Variants in MED27 observed in about 807,000 individuals in gnomAD.
MED27 encodes mediator of RNA polymerase II transcription subunit 27.
Under a neutral mutation model 38.2 loss-of-function variants are expected in MED27, and 30 were observed. That is an observed-to-expected ratio of 0.79 (90% CI 0.59 to 1.07). The LOEUF (loss-of-function observed/expected upper bound fraction) is 1.07. Among genes scored for constraint, MED27 ranks in the 50% least tolerant of loss-of-function variants. The pLI, the probability that MED27 is intolerant of heterozygous loss-of-function variation, is 0.00. For missense variants in MED27, 289 were observed against 397.5 expected (o/e 0.73, Z 2.32); for synonymous variants, 122 against 153.5 (o/e 0.79, Z 1.52).
chr9:131,960,409 T>C (rs1427192868), intron 3 of MED27, among the ~76,000 whole-genome samples: 1 of 152,200 alleles, frequency 6.6e-6, no homozygotes, highest in Non-Finnish European at 1.5e-5. Flanking sequence ...GGGGTGTGTG[T>C]GTGCGCTCGT....
chr9:132,050,814 T>C (rs760374257), intron 2 of MED27, among the ~76,000 whole-genome samples: 8 of 152,206 alleles, frequency 5.3e-5, no homozygotes, highest in Admixed American at 1.3e-4. Flanking sequence ...CTACCTGCCA[T>C]TGCTTTTATA....
intron 6 of MED27, among the ~76,000 whole-genome samples, chr9:131,881,800 CTTTT>C (rs61624043): frequency 5.6e-4 from 34 of 60,976 alleles, no homozygotes; most frequent in Admixed American, 1.8e-3. Context: ...TCTTCTTCTT[CTTTT>C]TTTTTTTTTT....
At chr9:132,015,229 T>C (rs1250004716) in intron 2 of MED27, among the ~76,000 whole-genome samples, 2 of 152,212 alleles carry the variant, frequency 1.3e-5, no homozygotes, top group Admixed American at 6.5e-5. Flanking sequence ...GGATATAGGC[T>C]CATTGAAAAG....
chr9:131,883,986 C>A lies in MED27; in HGVS notation c.723+72G>T. ...TTTTTCAAAAGCCTCTGATTTGAGA[C>A]CAATGTTTAAACCTCAAAGCATTCA... On this transcript the variant is annotated intron_variant, in intron 6 of 7. Transcript: ENST00000292035. This position sits in a 1 kb window ranked among gnomAD's most constrained non-coding sequence, Gnocchi z 4.2. 1 of 1,320,478 alleles carries A rather than the reference C, an allele frequency of 7.6e-7. No homozygotes were observed. The highest frequency in any genetic ancestry group is 1.1e-6 in the Non-Finnish European group (1 of 930,030). The allele number at this position is 1,320,478 out of a possible 1,614,324, so 81.8% of individuals were successfully genotyped here.
chr9:131,976,946 A>T (rs1310618201), intron 3 of MED27, among the ~76,000 whole-genome samples: 1 of 152,232 alleles, frequency 6.6e-6, no homozygotes, highest in African/African-American at 2.4e-5. Flanking sequence ...CAACACGGTT[A>T]TTTCAAGATT....
chr9:132,065,403 A>T (rs1249246148), intron 2 of MED27, among the ~76,000 whole-genome samples: 1 of 152,086 alleles, frequency 6.6e-6, no homozygotes, highest in Non-Finnish European at 1.5e-5. Context: ...TCAACTTATG[A>T]ACCCAATGGG....
At chr9:131,963,238 A>G (rs995281416) in intron 3 of MED27, among the ~76,000 whole-genome samples, 1 of 152,158 alleles carries the variant, frequency 6.6e-6, no homozygotes, top group African/African-American at 2.4e-5. Context: ...GTCAATTTCT[A>G]CAGAGAGGAA....
At chr9:131,901,515 G>A (rs1202183084) in intron 4 of MED27, among the ~76,000 whole-genome samples, 2 of 152,128 alleles carry the variant, frequency 1.3e-5, no homozygotes, top group Non-Finnish European at 2.9e-5. Context: ...GCCACCTGGA[G>A]CTCACAATGT....
chr9:132,050,284 G>A lies in MED27; in HGVS notation c.348+27158C>T, dbSNP rs772652720. Among the ~76,000 whole-genome samples, 97 of 152,338 alleles carry A rather than the reference G, an allele frequency of 6.4e-4. 1 individual carries two copies. The highest frequency in any genetic ancestry group is 5.7e-4 in the Non-Finnish European group (39 of 68,028). ...GGGAAATCTGAAAAGTACCAGCTAT[G>A]TTCCAAGGACAGAAAATGGAACAGT... On this transcript the variant is annotated intron_variant, in intron 2 of 7. Transcript: ENST00000292035.
chr9:131,976,282 C>A lies in MED27; in HGVS notation c.480-36808G>T, dbSNP rs573202167. Among the ~76,000 whole-genome samples the A allele has an allele frequency of 2.0e-5, 3 of 152,282 alleles. No homozygotes were observed. The East Asian group carries it at 5.8e-4, about 29-fold the overall frequency. On this transcript the variant is annotated intron_variant, in intron 3 of 7. Transcript: ENST00000292035. ...CTAAATCAAGAAAGCCCAGAATGAA[C>A]CCAGACTCTGGTCTCTTACTCAATC...
In MED27 at chr9:131,939,497, T is replaced by G. The variant is rs79746966; in HGVS notation, c.480-23A>C. 3.6e-3 allele frequency: 5,460 copies of G among 1,496,418 alleles called. 94 individuals are homozygous for G. Among genetic ancestry groups the G allele is most frequent in the Admixed American group, 0.019 (1,022 of 54,788 alleles). The allele number at this position is 1,496,418 out of a possible 1,614,324, so 92.7% of individuals were successfully genotyped here. A position where few individuals can be genotyped will look rare whatever the true frequency, so the allele number is the denominator to read the frequency against. On this transcript the variant is annotated intron_variant, in intron 3 of 7. Coordinates refer to ENST00000292035, the MANE Select transcript of MED27 (RefSeq NM_004269.4). ...TATCTACATGGGAAAAAAATAAACA[T>G]GTGTGAACTACAACTCCAGTTAAGA... is the stretch of plus-strand genomic sequence containing the variant.
chr9:132,040,893 G>T (rs891631737), intron 2 of MED27, among the ~76,000 whole-genome samples: 4 of 152,168 alleles, frequency 2.6e-5, no homozygotes, highest in African/African-American at 9.7e-5. Flanking sequence ...GATTAGGGGA[G>T]GGGAGGGGGC....
At chr9:132,022,169 T>G (rs528570720) in intron 2 of MED27, among the ~76,000 whole-genome samples, 16 of 152,170 alleles carry the variant, frequency 1.1e-4, no homozygotes, top group Admixed American at 2.6e-4. Context: ...GACAACATGG[T>G]GGGCTATCTT....
At chr9:131,891,661 G>A (rs1340368695) in intron 5 of MED27, among the ~76,000 whole-genome samples, 1 of 152,120 alleles carries the variant, frequency 6.6e-6, no homozygotes, top group African/African-American at 2.4e-5. Context: ...CTACTTTGGG[G>A]AGGGCTGCTT....
chr9:131,975,743 A>G (rs1831591183), intron 3 of MED27, among the ~76,000 whole-genome samples: 1 of 152,244 alleles, frequency 6.6e-6, no homozygotes, highest in African/African-American at 2.4e-5. Flanking sequence ...ATGAGGATAC[A>G]GAAGATGTCA....
intron 3 of MED27, among the ~76,000 whole-genome samples, chr9:131,950,620 T>C (rs1458570438): frequency 2.0e-5 from 3 of 152,218 alleles, no homozygotes; most frequent in South Asian, 2.1e-4. Context: ...GTTCTAGTCA[T>C]AACCATACAT....
intron 2 of MED27, among the ~76,000 whole-genome samples, chr9:132,036,292 C>T (rs1417846334): frequency 6.6e-6 from 1 of 152,084 alleles, no homozygotes; most frequent in African/African-American, 2.4e-5. Flanking sequence ...CAGCCTTTAA[C>T]TCCTGGGCTC....
chr9:132,073,249 T>C, intron 2 of MED27: 1 of 884,788 alleles, frequency 1.1e-6, no homozygotes, highest in Non-Finnish European at 1.4e-6. Flanking sequence ...CACAACTGGC[T>C]TTCTCAGTAA....
At chr9:132,032,791 T>C (rs1832990963) in intron 2 of MED27, among the ~76,000 whole-genome samples, 1 of 152,152 alleles carries the variant, frequency 6.6e-6, no homozygotes, top group Non-Finnish European at 1.5e-5. Flanking sequence ...TGGCCTCCCC[T>C]GCCCCTCCCT....
Sources: gnomAD v4.1 joint callset for allele counts (sites outside exome capture counted in the v4.1 genomes callset) on GRCh38, gnomAD v4.1.1 for gene constraint, Gnocchi (gnomAD v3.1) non-coding constraint, MANE v1.5 for transcripts, NCBI Gene and HGNC (gene_info 2026-07-23, HGNC 2026-07-21) for gene names.